The following ROBO1 variants were observed in gnomAD, a reference collection of about 807,000 sequenced individuals.
ROBO1 encodes roundabout homolog 1.
ROBO1 carries 149 observed loss-of-function variants against 195.9 expected under a neutral mutation model. The ratio of observed to expected loss-of-function variants is 0.76; its 90% confidence interval spans 0.67 to 0.87. The LOEUF (loss-of-function observed/expected upper bound fraction) is 0.87, where lower values mean the gene tolerates loss of function less well. ROBO1 is among the 40% of genes least tolerant of loss of function. ROBO1 has a pLI of 0.00. For missense variants in ROBO1, 1,933 were observed against 2,068.3 expected, an observed-to-expected ratio of 0.93 and a Z score of 1.27; for synonymous variants, 816 against 733.2, an observed-to-expected ratio of 1.11 and a Z score of -1.82.
intron 2 of ROBO1, among the ~76,000 whole-genome samples, chr3:79,520,862 A>C (rs1363079864): frequency 6.6e-6 from 1 of 152,120 alleles, no homozygotes; most frequent in African/African-American, 2.4e-5. Flanking sequence ...ACTTTTATTT[A>C]TGAGAAAAAT....
chr3:78,699,287 C>T (rs2081366373), intron 8 of ROBO1, among the ~76,000 whole-genome samples: 2 of 149,734 alleles, frequency 1.3e-5, no homozygotes, highest in African/African-American at 4.9e-5. Context: ...ATGTGCTTAA[C>T]ACTGTAATCC....
intron 3 of ROBO1, among the ~76,000 whole-genome samples, chr3:79,007,049 T>C (rs1007382914): frequency 2.6e-5 from 4 of 152,036 alleles, no homozygotes; most frequent in African/African-American, 9.7e-5. Context: ...AGAAAAACAC[T>C]GGCTAATTAG....
At position 78,659,569 on chromosome 3, in the gene ROBO1, T is replaced by C. The variant is rs1469540654; in HGVS notation, c.2442+117A>G. 2.9e-6 allele frequency: 2 copies of C among 686,706 alleles called. 1 individual carries two copies. Among genetic ancestry groups the C allele is most frequent in the Admixed American group, 7.9e-5 (2 of 25,378 alleles). The allele number at this position is 686,706 out of a possible 1,614,324, so 42.5% of individuals were successfully genotyped here. A position where few individuals can be genotyped will look rare whatever the true frequency, so the allele number is the denominator to read the frequency against. ...TTTTAAAAATAATTTTACATGTTGCTATTTGGACCAGCAGATGGCGCCAAA... is the reference window on the plus strand; with the variant it reads ...TTTTAAAAATAATTTTACATGTTGCCATTTGGACCAGCAGATGGCGCCAAA... On this transcript the variant is annotated intron_variant, in intron 17 of 30. Transcript: ENST00000464233.
At chr3:79,444,521 T>C (rs1410011339) in intron 2 of ROBO1, among the ~76,000 whole-genome samples, 2 of 152,106 alleles carry the variant, frequency 1.3e-5, no homozygotes, top group Non-Finnish European at 2.9e-5. Flanking sequence ...AGAGTGGAAA[T>C]TTAAACAACT....
intron 3 of ROBO1, among the ~76,000 whole-genome samples, chr3:79,068,275 A>G (rs1178067630): frequency 6.6e-6 from 1 of 151,872 alleles, no homozygotes; most frequent in Non-Finnish European, 1.5e-5. Context: ...CCATCTACCC[A>G]GTTCAATAAA....
intron 2 of ROBO1, among the ~76,000 whole-genome samples, chr3:79,433,832 T>C (rs1474055756): frequency 1.3e-5 from 2 of 152,156 alleles, no homozygotes; most frequent in African/African-American, 2.4e-5. Flanking sequence ...CAAAACAGCA[T>C]GGTACTGGTA....
At chr3:79,308,771 A>T (rs1399191924) in intron 2 of ROBO1, among the ~76,000 whole-genome samples, 1 of 152,190 alleles carries the variant, frequency 6.6e-6, no homozygotes, top group Non-Finnish European at 1.5e-5. Flanking sequence ...TCTCTGCAAT[A>T]TTAAACTGCA....
intron 1 of ROBO1, among the ~76,000 whole-genome samples, chr3:79,591,170 T>C (rs1943988741): frequency 6.6e-6 from 1 of 151,810 alleles, no homozygotes. Flanking sequence ...TAAACAAACC[T>C]AGTACTATAT....
At chr3:78,745,223 G>T (rs780488211) in intron 5 of ROBO1, among the ~76,000 whole-genome samples, 2 of 149,806 alleles carry the variant, frequency 1.3e-5, no homozygotes, top group Non-Finnish European at 2.9e-5. Flanking sequence ...CAGGAGAATC[G>T]CTTGAACCCA....
chr3:79,512,832 C>T (rs967937636), intron 2 of ROBO1: 7 of 151,958 alleles, frequency 4.6e-5, no homozygotes, highest in Non-Finnish European at 7.4e-5. Flanking sequence ...TAATGCAAGC[C>T]GTTGAAAAAT....
intron 2 of ROBO1, among the ~76,000 whole-genome samples, chr3:79,151,085 T>G (rs1391612058): frequency 1.3e-5 from 2 of 151,546 alleles, no homozygotes; most frequent in Non-Finnish European, 3.0e-5. Context: ...TAAATGGGAG[T>G]TCCCCTGCAC....
At chr3:79,127,450 T>G (rs2108577527) in intron 2 of ROBO1, among the ~76,000 whole-genome samples, 1 of 152,362 alleles carries the variant, frequency 6.6e-6, no homozygotes, top group South Asian at 2.1e-4. Context: ...CACTTTAATT[T>G]TATGAATTAT....
chr3:79,474,255 C>A (rs1434564055), intron 2 of ROBO1, among the ~76,000 whole-genome samples: 1 of 152,124 alleles, frequency 6.6e-6, no homozygotes, highest in Non-Finnish European at 1.5e-5. Flanking sequence ...AAGTGAATCT[C>A]TAAGTGACTG....
intron 20 of ROBO1, 29 bp from the exon 21 acceptor site, chr3:78,646,219 A>T (rs771654284): frequency 6.3e-7 from 1 of 1,590,902 alleles, no homozygotes; most frequent in East Asian, 2.2e-5. Context: ...AAAAAGGAAC[A>T]ATTAATAGAC....
At chr3:79,731,517 A>G (rs6798360) in intron 1 of ROBO1, among the ~76,000 whole-genome samples, 46,599 of 151,980 alleles carry the variant, frequency 0.31, 8,188 homozygotes, top group East Asian at 0.57. Flanking sequence ...AGATGAAGCA[A>G]TAAAATTACC....
At chr3:79,136,454 A>T (rs896116534) in intron 2 of ROBO1, among the ~76,000 whole-genome samples, 6 of 152,142 alleles carry the variant, frequency 3.9e-5, no homozygotes, top group African/African-American at 1.4e-4. Context: ...AAAGATGACC[A>T]TTAATAAAAG....
At chr3:79,558,208 CT>C (rs1942782260) in intron 2 of ROBO1, among the ~76,000 whole-genome samples, 1 of 152,072 alleles carries the variant, frequency 6.6e-6, no homozygotes, top group Non-Finnish European at 1.5e-5. Context: ...CCCCTTCCAA[CT>C]TCTCTACCTC....
chr3:78,951,525 A>T (rs2040788471), intron 3 of ROBO1, among the ~76,000 whole-genome samples: 1 of 151,962 alleles, frequency 6.6e-6, no homozygotes, highest in East Asian at 1.9e-4. Flanking sequence ...TAAAAAAAAC[A>T]ACAACACCAC....
chr3:79,348,432 C>A (rs1461143788), intron 2 of ROBO1, among the ~76,000 whole-genome samples: 4 of 152,088 alleles, frequency 2.6e-5, no homozygotes, highest in African/African-American at 9.7e-5. Flanking sequence ...CTTACGGCTA[C>A]ACGCAAAAAT....
Sources: allele counts gnomAD v4.1 joint callset (sites outside exome capture counted in the v4.1 genomes callset), GRCh38; gene constraint gnomAD v4.1.1; transcripts MANE v1.5; gene names NCBI Gene and HGNC (gene_info 2026-07-23, HGNC 2026-07-21).